The following ANK1 variants were observed in gnomAD, a reference collection of about 807,000 sequenced individuals.
ANK1 encodes the protein ankyrin-1.
ANK1 carries 51 observed loss-of-function variants against 210.4 expected under a neutral mutation model. That is an observed-to-expected ratio of 0.24 (90% CI 0.19 to 0.31). The LOEUF is 0.31. Among genes scored for constraint, ANK1 ranks in the 10% least tolerant of loss-of-function variants. ANK1 has a pLI of 1.00. For synonymous variants in ANK1, 967 were observed against 1,025.9 expected (o/e 0.94, Z 1.10); for missense variants, 2,051 against 2,504.4 (o/e 0.82, Z 3.86).
Position 41,704,519 on chromosome 8 carries a change from C to T in ANK1, c.2098-47G>A. The stretch of plus-strand genomic sequence containing the variant: ...GTGACCGGAGCTGTCCTGAGCTGGG[C>T]ATCACATGAAATCCTTCCCAAAGCA... On this transcript the variant is annotated intron_variant, in intron 18 of 42. Coordinates refer to ENST00000289734, the MANE Select transcript of ANK1 (RefSeq NM_000037.4). This position sits in a 1 kb window ranked among gnomAD's most constrained non-coding sequence, Gnocchi z 4.1. 1 of 1,521,262 alleles carries T rather than the reference C, an allele frequency of 6.6e-7. No individual in the cohort carries two copies. Among genetic ancestry groups the T allele is most frequent in the Non-Finnish European group, 9.1e-7 (1 of 1,095,790 alleles). 94.2% of individuals were successfully genotyped at this position (1,521,262 alleles called of 1,614,324 possible). A position where few individuals can be genotyped will look rare whatever the true frequency, so the allele number is the denominator to read the frequency against.
At position 41,682,693 on chromosome 8, in the gene ANK1, G is replaced by A. The variant is rs141232961; in HGVS notation, c.4537+1851C>T. Among the ~76,000 whole-genome samples, 75 of 152,340 alleles carry A rather than the reference G, an allele frequency of 4.9e-4. 1 individual carries two copies. The East Asian group carries it at 0.012, about 24-fold the overall frequency. ...TCTGTGGCCCGGGGAGATGCTCACA[G>A]ATGCCCAGGTCTGTAACTGTGAATA... On this transcript the variant is annotated intron_variant, in intron 37 of 42. Transcript: ENST00000289734.
intron 29 of ANK1, among the ~76,000 whole-genome samples, chr8:41,693,439 T>C (rs1819865171): frequency 1.6e-5 from 2 of 128,928 alleles, no homozygotes; most frequent in Non-Finnish European, 3.3e-5. Context: ...TTTTTTTTTT[T>C]TTTTTTTTTT....
At chr8:41,779,880 G>A (rs534825683) in intron 1 of ANK1, among the ~76,000 whole-genome samples, 7 of 152,312 alleles carry the variant, frequency 4.6e-5, no homozygotes, top group Admixed American at 2.0e-4. Flanking sequence ...CCTCAAAGAC[G>A]CCTGTGCAGC....
chr8:41,714,347 G>T, intron 15 of ANK1, 93 bp from the exon 16 acceptor site: 1 of 930,810 alleles, frequency 1.1e-6, no homozygotes, highest in Non-Finnish European at 1.5e-6. Flanking sequence ...ATTTTATACA[G>T]TAAAATCCTG....
chr8:41,696,764 C>T lies in ANK1; in HGVS notation c.2647G>A (p.Glu883Lys), dbSNP rs1190367032. The change falls in exon 25 of 43, where the codon GAG becomes AAG. Residue 883 changes from glutamate (E) to lysine (K), a missense_variant. By Grantham distance (56) the Glu-to-Lys change is moderately conservative. Coordinates refer to ENST00000289734, the MANE Select transcript of ANK1 (RefSeq NM_000037.4). ...GGGATGAGGGAGTCCTCATCATACT[C>T]TTTAGATGCCTGAGGAGAGAGAAAG... ...RSEEQEQASK[E>K]YDEDSLIPSS... 1 of 1,600,266 alleles carries T rather than the reference C, an allele frequency of 6.2e-7. No homozygotes were observed.
At chr8:41,765,566 T>G (rs1841592241) in intron 1 of ANK1, among the ~76,000 whole-genome samples, 1 of 152,142 alleles carries the variant, frequency 6.6e-6, no homozygotes, top group Non-Finnish European at 1.5e-5. Context: ...CTAGTGCTCA[T>G]AAGGGTCCTC....
intron 1 of ANK1, among the ~76,000 whole-genome samples, chr8:41,786,127 G>A (rs561958985): frequency 1.3e-5 from 2 of 152,268 alleles, no homozygotes; most frequent in African/African-American, 4.8e-5. Context: ...GTTTGTGGTC[G>A]AGGCACAGCC....
chr8:41,842,640 G>A (rs1809172536), intron 1 of ANK1, among the ~76,000 whole-genome samples: 1 of 152,186 alleles, frequency 6.6e-6, no homozygotes, highest in African/African-American at 2.4e-5. Context: ...CGTCATTGTG[G>A]TGGAGGTTAC....
chr8:41,810,179 A>T (rs1190159764), intron 1 of ANK1, among the ~76,000 whole-genome samples: 1 of 152,036 alleles, frequency 6.6e-6, no homozygotes, highest in Non-Finnish European at 1.5e-5. Context: ...AGACACCCAA[A>T]CTCTTTCCAT....
At chr8:41,771,624 T>A (rs947037310) in intron 1 of ANK1, among the ~76,000 whole-genome samples, 1 of 152,168 alleles carries the variant, frequency 6.6e-6, no homozygotes, top group African/African-American at 2.4e-5. Context: ...GTCTTCAGGC[T>A]TTTCCCGTCT....
intron 11 of ANK1, 21 bp downstream of exon 11, chr8:41,718,085 C>T (rs1012172536): frequency 6.2e-6 from 10 of 1,612,252 alleles, no homozygotes; most frequent in Non-Finnish European, 8.5e-6. Flanking sequence ...TGCCCCCAGG[C>T]TCCTCTGCAG....
In ANK1 at chr8:41,716,938, G is replaced by T. The variant is rs201598401; in HGVS notation, c.1404+15C>A. 29 of 1,612,418 alleles carry T rather than the reference G, an allele frequency of 1.8e-5. No homozygotes were observed. Among genetic ancestry groups the T allele is most frequent in the Non-Finnish European group, 5.9e-6 (7 of 1,179,016 alleles). On this transcript the variant is annotated intron_variant, in intron 13 of 42. Transcript: ENST00000289734. ...TCACATCTGAAACCCTTCCCTTCCT[G>T]CCTTCACTACTCACCTTGGCCTTGG...
At chr8:41,796,568 C>G (rs1382271425) in intron 1 of ANK1, among the ~76,000 whole-genome samples, 1 of 151,058 alleles carries the variant, frequency 6.6e-6, no homozygotes, top group Non-Finnish European at 1.5e-5. Context: ...AAAAAATCAA[C>G]CAGGAAAGGC....
At chr8:41,665,524 G>C (rs1025868290) in intron 39 of ANK1, 1 of 333,558 alleles carries the variant, frequency 3.0e-6, no homozygotes, top group Admixed American at 4.3e-5. Flanking sequence ...CCCAGGGAAA[G>C]TTTCTTACTT....
chr8:41,788,332 G>A (rs896785938), intron 1 of ANK1, among the ~76,000 whole-genome samples: 4 of 152,142 alleles, frequency 2.6e-5, no homozygotes, highest in African/African-American at 2.4e-5. Flanking sequence ...GCAGAGGACC[G>A]GAGGAGTCAG....
At chr8:41,777,256 C>T (rs1008609045) in intron 1 of ANK1, among the ~76,000 whole-genome samples, 1 of 152,152 alleles carries the variant, frequency 6.6e-6, no homozygotes, top group East Asian at 1.9e-4. Flanking sequence ...GGGGCCCCCT[C>T]TTAAAGCCTT....
In ANK1 at chr8:41,859,219, G is replaced by A. The variant is rs529690250; in HGVS notation, c.126+37136C>T. On this transcript the variant is annotated intron_variant, in intron 1 of 42. Transcript: ENST00000265709. ...CGGAAGGAGAGAAAGCCCCCTGGGC[G>A]GCAGGTGGGAGGACGATGGGGCCAA... is the stretch of plus-strand genomic sequence containing the variant. Among the ~76,000 whole-genome samples, 11 of 152,366 alleles carry A rather than the reference G, an allele frequency of 7.2e-5. No individual in the cohort carries two copies. The South Asian group carries it at 1.7e-3, about 23-fold the overall frequency.
chr8:41,878,040 A>G (rs1816905395), intron 1 of ANK1, among the ~76,000 whole-genome samples: 1 of 152,240 alleles, frequency 6.6e-6, no homozygotes, highest in Non-Finnish European at 1.5e-5. Context: ...AAAACAGTCA[A>G]CTGAAAGCAT....
At position 41,724,557 on chromosome 8, in the gene ANK1, G is replaced by A; in HGVS notation, c.613-3C>T. ...ATGTGCAGGGGCGTGAATCCCGTCT[G>A]GGGCACAACAGAGGGGGAGAAACTT... On this transcript the variant is annotated splice_region_variant and splice_polypyrimidine_tract_variant and intron_variant, in intron 6 of 42. Coordinates refer to ENST00000289734, the MANE Select transcript of ANK1 (RefSeq NM_000037.4). 6.3e-7 allele frequency: 1 copy of A among 1,586,184 alleles called. No homozygotes were observed. Among genetic ancestry groups the A allele is most frequent in the Non-Finnish European group, 8.6e-7 (1 of 1,165,648 alleles).
Sources: gnomAD v4.1 joint callset for allele counts (sites outside exome capture counted in the v4.1 genomes callset) on GRCh38, gnomAD v4.1.1 for gene constraint, Gnocchi (gnomAD v3.1) non-coding constraint, MANE v1.5 for transcripts, NCBI Gene and HGNC (gene_info 2026-07-23, HGNC 2026-07-21) for gene names.